Variants in TENM3 observed in about 807,000 individuals in gnomAD.
TENM3 encodes the protein teneurin transmembrane protein 3, also known as teneurin-3.
TENM3 carries 63 observed loss-of-function variants against 255.1 expected under a neutral mutation model. That is an observed-to-expected ratio of 0.25 (90% CI 0.20 to 0.30). The LOEUF is 0.30. Among genes scored for constraint, TENM3 ranks in the 10% least tolerant of loss-of-function variants. TENM3 has a pLI of 1.00. For synonymous variants in TENM3, 1,306 were observed against 1,322.3 expected (o/e 0.99, Z 0.27); for missense variants, 2,929 against 3,461.1 (o/e 0.85, Z 3.86).
At chr4:182,752,512 T>A (rs1407246336) in intron 20 of TENM3, among the ~76,000 whole-genome samples, 1 of 68,074 alleles carries the variant, frequency 1.5e-5, no homozygotes, top group Non-Finnish European at 2.9e-5. Context: ...CTGAGAGGAA[T>A]TTTGGGAGGT....
At chr4:181,916,952 G>T in the TENM3 span, among the ~76,000 whole-genome samples, 2 of 152,086 alleles carry the variant, frequency 1.3e-5, no homozygotes, top group African/African-American at 4.8e-5. Context: ...AACTTGAGAG[G>T]CCTGATAAAA....
At chr4:181,989,233 AACTC>A in the TENM3 span, among the ~76,000 whole-genome samples, 1 of 152,054 alleles carries the variant, frequency 6.6e-6, no homozygotes, top group African/African-American at 2.4e-5. Context: ...ACGGTCCAGA[AACTC>A]ACAAGGACAG....
At chr4:182,727,474 A>G (rs1561165998) in intron 13 of TENM3, among the ~76,000 whole-genome samples, 1 of 101,926 alleles carries the variant, frequency 9.8e-6, no homozygotes, top group African/African-American at 3.8e-5. Context: ...AGAAAGAAAA[A>G]TTCATGTTTT....
At chr4:181,786,761 G>A in the TENM3 span, among the ~76,000 whole-genome samples, 25 of 150,388 alleles carry the variant, frequency 1.7e-4, no homozygotes, top group South Asian at 8.4e-4. Flanking sequence ...ATAGGGAGTC[G>A]CTCCCAGCAC....
At chr4:181,752,321 G>T in the TENM3 span, among the ~76,000 whole-genome samples, 2 of 152,084 alleles carry the variant, frequency 1.3e-5, no homozygotes, top group African/African-American at 4.8e-5. Context: ...AGGCCGAGGC[G>T]GGCAGATCTC....
intron 3 of TENM3, among the ~76,000 whole-genome samples, chr4:182,368,266 G>A (rs1766563662): frequency 6.6e-6 from 1 of 152,352 alleles, no homozygotes; most frequent in South Asian, 2.1e-4. Flanking sequence ...GTGCAAGGAA[G>A]TAGGCTGTAG....
chr4:182,114,144 C>T, the TENM3 span, among the ~76,000 whole-genome samples: 1 of 152,168 alleles, frequency 6.6e-6, no homozygotes, highest in East Asian at 1.9e-4. Flanking sequence ...ATATCTAAAC[C>T]ACTATGCATT....
chr4:182,024,994 C>G, the TENM3 span, among the ~76,000 whole-genome samples: 8 of 150,072 alleles, frequency 5.3e-5, no homozygotes, highest in Non-Finnish European at 1.2e-4. Context: ...CAGTTCCATC[C>G]ATGTTGTTGC....
intron 1 of TENM3, among the ~76,000 whole-genome samples, chr4:182,174,581 A>G (rs1483008466): frequency 6.6e-6 from 1 of 151,766 alleles, no homozygotes; most frequent in African/African-American, 2.4e-5. Context: ...CACCTGAATG[A>G]CCCACAATAT....
intron 3 of TENM3, among the ~76,000 whole-genome samples, chr4:182,568,958 A>G (rs574458131): frequency 6.6e-6 from 1 of 152,318 alleles, no homozygotes; most frequent in South Asian, 2.1e-4. Context: ...ATGGTGACAG[A>G]TGTCAGAGAG....
At chr4:181,587,389 G>A in the TENM3 span, among the ~76,000 whole-genome samples, 2 of 152,108 alleles carry the variant, frequency 1.3e-5, no homozygotes, top group African/African-American at 2.4e-5. Context: ...AAGAAGACCC[G>A]CACTATCCTC....
the TENM3 span, among the ~76,000 whole-genome samples, chr4:181,911,023 T>A: frequency 2.0e-5 from 3 of 152,300 alleles, no homozygotes; most frequent in African/African-American, 7.2e-5. Context: ...ACTCTGTGAT[T>A]AGGATCAAAA....
rs1765899576 is a variant in TENM3 at position 182,789,052 on chromosome 4, A to T, written c.5305-41A>T. 1 of 1,530,618 alleles carries T rather than the reference A, an allele frequency of 6.5e-7. No homozygotes were observed. Among genetic ancestry groups the T allele is most frequent in the African/African-American group, 1.4e-5 (1 of 73,172 alleles). The allele number at this position is 1,530,618 out of a possible 1,614,324, so 94.8% of individuals were successfully genotyped here. ...CAATACTGGGGACTCCGGTGTTGGA[A>T]TAACATGATTTATTTTATCATCTTG... is the stretch of plus-strand genomic sequence containing the variant. On this transcript the variant is annotated intron_variant, in intron 24 of 27. Coordinates refer to ENST00000511685, the MANE Select transcript of TENM3 (RefSeq NM_001080477.4). The surrounding 1 kb of genome is among the most constrained non-coding windows in gnomAD (Gnocchi z 4.4).
At chr4:182,724,417 A>G (rs1260403288) in intron 13 of TENM3, among the ~76,000 whole-genome samples, 2 of 152,274 alleles carry the variant, frequency 1.3e-5, no homozygotes, top group East Asian at 1.9e-4. Flanking sequence ...AGCCAGATTC[A>G]TAACCATCCG....
At chr4:181,455,311 T>G in the TENM3 span, among the ~76,000 whole-genome samples, 1 of 152,066 alleles carries the variant, frequency 6.6e-6, no homozygotes, top group African/African-American at 2.4e-5. Context: ...TTTAGAAGGA[T>G]AGACAATGAT....
intron 26 of TENM3, among the ~76,000 whole-genome samples, chr4:182,796,118 G>A (rs72703974): frequency 0.036 from 5,480 of 152,282 alleles, 132 homozygotes; most frequent in Non-Finnish European, 0.058. Flanking sequence ...CCAGCTTGCA[G>A]CATTCATCTT....
chr4:182,258,202 A>G (rs912039263), intron 1 of TENM3, among the ~76,000 whole-genome samples: 1 of 152,180 alleles, frequency 6.6e-6, no homozygotes, highest in African/African-American at 2.4e-5. Flanking sequence ...ATTCTAAATT[A>G]AATCCTACTA....
chr4:182,643,354 G>T (rs544927368), intron 5 of TENM3, among the ~76,000 whole-genome samples: 1 of 152,258 alleles, frequency 6.6e-6, no homozygotes, highest in South Asian at 2.1e-4. Context: ...ATGCAATGTA[G>T]TTTTAAAAAT....
the TENM3 span, among the ~76,000 whole-genome samples, chr4:181,683,990 C>G: frequency 1.3e-5 from 2 of 152,166 alleles, no homozygotes; most frequent in Non-Finnish European, 2.9e-5. Flanking sequence ...TAACCTAATA[C>G]CCACCACGGG....
Sources: gnomAD v4.1 joint callset for allele counts (sites outside exome capture counted in the v4.1 genomes callset) on GRCh38, gnomAD v4.1.1 for gene constraint, Gnocchi (gnomAD v3.1) non-coding constraint, MANE v1.5 for transcripts, NCBI Gene and HGNC (gene_info 2026-07-23, HGNC 2026-07-21) for gene names.